Variants in GMCL1 observed in about 807,000 individuals in gnomAD.
The protein encoded by GMCL1 is germ cell-less protein-like 1.
A neutral mutation model predicts 75.5 loss-of-function variants in GMCL1; 54 were observed. The ratio of observed to expected loss-of-function variants is 0.71; its 90% CI spans 0.57 to 0.90. The LOEUF (loss-of-function observed/expected upper bound fraction) is 0.90. Ranked by LOEUF, GMCL1 falls within the 40% of genes least tolerant of loss-of-function variation. The probability of loss-of-function intolerance (pLI) is 0.00; values close to 1 mark genes in which losing one functional copy is unlikely to be tolerated. For synonymous variants in GMCL1, 210 were observed against 209.6 expected (o/e 1.00, Z -0.02); for missense variants, 537 against 622.7 (o/e 0.86, Z 1.47).
At chr2:69,847,457 A>G in intron 6 of GMCL1, 86 bp from the exon 7 acceptor site, 1 of 840,998 alleles carries the variant, frequency 1.2e-6, no homozygotes. Context: ...ATTTTTTTAC[A>G]AGAAAGACTT....
At chr2:69,855,421 T>C (rs1236652841) in intron 9 of GMCL1, among the ~76,000 whole-genome samples, 2 of 151,994 alleles carry the variant, frequency 1.3e-5, no homozygotes, top group African/African-American at 2.4e-5. Flanking sequence ...TAACTACTGA[T>C]TTACCTTTCT....
intron 9 of GMCL1, among the ~76,000 whole-genome samples, chr2:69,859,612 T>C (rs1427006118): frequency 6.6e-6 from 1 of 151,620 alleles, no homozygotes; most frequent in African/African-American, 2.4e-5. Flanking sequence ...GGCAGACACC[T>C]ATAGTCCCAG....
At position 69,847,770 on chromosome 2, in the gene GMCL1, C is replaced by G. The variant is rs553122097; in HGVS notation, c.843+143C>G. 64 of 475,370 alleles carry G rather than the reference C, an allele frequency of 1.3e-4. 1 individual carries two copies. In the East Asian group the frequency reaches 2.0e-3, roughly 15 times the overall value. The allele number at this position is 475,370 out of a possible 1,614,324, so 29.4% of individuals were successfully genotyped here. ...GAAATAGGCCGAAACCTTAAAAAGTCTTTATATTTAGGGATTTGGAATCAT... is the reference window on the plus strand; with the variant it reads ...GAAATAGGCCGAAACCTTAAAAAGTGTTTATATTTAGGGATTTGGAATCAT... On this transcript the variant is annotated intron_variant, in intron 7 of 13. Coordinates refer to ENST00000282570, the MANE Select transcript of GMCL1 (RefSeq NM_178439.5).
chr2:69,873,787 G>A (rs920794386), intron 13 of GMCL1: 1 of 168,312 alleles, frequency 5.9e-6, no homozygotes, highest in Non-Finnish European at 1.5e-5. Flanking sequence ...CCAAGTCAGT[G>A]GCCTGGGAGA....
intron 11 of GMCL1, among the ~76,000 whole-genome samples, chr2:69,865,673 A>G (rs1210232794): frequency 6.6e-6 from 1 of 152,146 alleles, no homozygotes; most frequent in Non-Finnish European, 1.5e-5. Flanking sequence ...TTTTTTCATT[A>G]CCACCCAATA....
At chr2:69,853,922 C>T (rs1675390848) in intron 8 of GMCL1, among the ~76,000 whole-genome samples, 1 of 151,870 alleles carries the variant, frequency 6.6e-6, no homozygotes, top group African/African-American at 2.4e-5. Flanking sequence ...CTGCCTCAGC[C>T]TCCCAGTTAG....
intron 6 of GMCL1, among the ~76,000 whole-genome samples, chr2:69,846,717 G>A (rs1046653070): frequency 1.3e-5 from 2 of 152,046 alleles, no homozygotes; most frequent in East Asian, 1.9e-4. Flanking sequence ...TAACTAGCAC[G>A]TTTCTTGATC....
chr2:69,829,890 C>A lies in GMCL1; in HGVS notation c.-3C>A. On this transcript the variant is annotated 5_prime_UTR_variant, in exon 1 of 14. Coordinates refer to ENST00000282570, the MANE Select transcript of GMCL1 (RefSeq NM_178439.5). ...TCCCTGAAGTCTCGGGGAGCCGTGA[C>A]CCATGGGATCGTTGAGCAGCCGGGT... is the stretch of plus-strand genomic sequence containing the variant. The A allele has an allele frequency of 1.3e-6, 2 of 1,594,082 alleles. No homozygotes were observed. Among genetic ancestry groups the A allele is most frequent in the Non-Finnish European group, 1.7e-6 (2 of 1,170,482 alleles).
intron 8 of GMCL1, among the ~76,000 whole-genome samples, chr2:69,850,863 A>G (rs538202529): frequency 6.6e-6 from 1 of 152,316 alleles, no homozygotes; most frequent in African/African-American, 2.4e-5. Flanking sequence ...GCCACTGTAT[A>G]ATATATCATT....
Position 69,875,746 on chromosome 2 carries a change from A to G in GMCL1, c.1453-3163A>G, listed in dbSNP as rs112053936. Reference sequence around the variant, plus strand: ...AGTCTTGTTCTGTCGCCAGGCTGGAATGCAGTGGCGTGATCTCAGCTCACT... The same window carrying G: ...AGTCTTGTTCTGTCGCCAGGCTGGAGTGCAGTGGCGTGATCTCAGCTCACT... On this transcript the variant is annotated intron_variant, in intron 13 of 13. Coordinates refer to ENST00000282570, the MANE Select transcript of GMCL1 (RefSeq NM_178439.5). Among the ~76,000 whole-genome samples, 1,006 of 151,692 alleles carry G rather than the reference A, an allele frequency of 6.6e-3. 12 individuals are homozygous for G. Among genetic ancestry groups the G allele is most frequent in the African/African-American group, 0.022 (900 of 41,312 alleles).
At position 69,878,932 on chromosome 2, in the gene GMCL1, C is replaced by T. The variant is rs376350403; in HGVS notation, c.1476C>T (p.Asp492=). 1.7e-5 allele frequency: 28 copies of T among 1,608,668 alleles called. No individual in the cohort carries two copies. The East Asian group carries it at 5.8e-4, about 33-fold the overall frequency. The change falls in exon 14 of 14, where the codon GAC becomes GAT. Residue 492 remains aspartate, a synonymous_variant. Coordinates refer to ENST00000282570, the MANE Select transcript of GMCL1 (RefSeq NM_178439.5). ...AGGAACAAGTGGTGATGAACTTGGA[C>T]AGCAGGCTTCTGATCTTCCCTTTAT... ...KDQEQVVMNL[D]SRLLIFPLYI... is the part of the protein sequence containing the mutation.
rs779911573 is a variant in GMCL1 at position 69,847,565 on chromosome 2, A to G, written c.781A>G (p.Ile261Val). The stretch of plus-strand genomic sequence containing the variant: ...CAGTATAAATGTCATGAAACAGCTC[A>G]TTGGTTCATCTAACTTATTTGTGAT... ...ELSINVMKQL[I>V]GSSNLFVMQV... The change falls in exon 7 of 14, where the codon ATT becomes GTT. Residue 261 changes from isoleucine to valine, a missense_variant. Physicochemically the swap from Ile to Val is conservative, Grantham distance 29. Coordinates refer to ENST00000282570, the MANE Select transcript of GMCL1 (RefSeq NM_178439.5). The G allele has an allele frequency of 6.2e-7, 1 of 1,607,006 alleles. No individual in the cohort carries two copies. Among genetic ancestry groups the G allele is most frequent in the Non-Finnish European group, 8.5e-7 (1 of 1,173,986 alleles).
Position 69,879,107 on chromosome 2 carries a change from C to CT in GMCL1, c.*104dup, listed in dbSNP as rs1173137697. The CT allele has an allele frequency of 1.5e-6, 1 of 683,734 alleles. No individual in the cohort carries two copies. Among genetic ancestry groups the CT allele is most frequent in the African/African-American group, 1.8e-5 (1 of 55,470 alleles). The allele number at this position is 683,734 out of a possible 1,614,324, so 42.4% of individuals were successfully genotyped here. On this transcript the variant is annotated 3_prime_UTR_variant, in exon 14 of 14. Coordinates refer to ENST00000282570, the MANE Select transcript of GMCL1 (RefSeq NM_178439.5). Reference sequence around the variant, plus strand: ...GGCCAGCTTTAATTTAATGGCCCTACTGATATTCACATCGAAGGTGACTAA... The same window carrying CT: ...GGCCAGCTTTAATTTAATGGCCCTACTTGATATTCACATCGAAGGTGACTAA...
intron 2 of GMCL1, among the ~76,000 whole-genome samples, chr2:69,838,361 A>AAAAAAAAAAAAAAAAC: frequency 6.6e-6 from 1 of 150,648 alleles, no homozygotes; most frequent in Non-Finnish European, 1.5e-5. Flanking sequence ...AAAAAAAAAA[A>AAAAAAAAAAAAAAAAC]AAATCGGAGC....
chr2:69,851,757 C>A (rs1275912387), intron 8 of GMCL1, among the ~76,000 whole-genome samples: 1 of 152,094 alleles, frequency 6.6e-6, no homozygotes, highest in African/African-American at 2.4e-5. Flanking sequence ...CAGAGTGAGA[C>A]CCTGTCTCAA....
chr2:69,864,940 A>G lies in GMCL1; in HGVS notation c.1183A>G (p.Met395Val). 1.2e-6 allele frequency: 2 copies of G among 1,613,660 alleles called. No homozygotes were observed. Among genetic ancestry groups the G allele is most frequent in the African/African-American group, 1.3e-5 (1 of 75,050 alleles). Residue 395 changes from methionine (M) to valine (V), a missense_variant, in exon 11 of 14, where the codon ATG becomes GTG. Physicochemically the swap from Met to Val is conservative, Grantham distance 21. This residue lies in a region of GMCL1 where 345 missense variants were observed against 410.5 expected (regional missense o/e 0.84). Transcript: ENST00000282570. ...TAAAGAAGAACTAGAGGGAAACAGC[A>G]TGAGGTGTGGTAGAAAGCTTGCCAA... The part of the protein sequence containing the change: ...INKEELEGNS[M>V]RCGRKLAKDG...
intron 1 of GMCL1, among the ~76,000 whole-genome samples, chr2:69,835,124 A>C (rs907087337): frequency 6.6e-6 from 1 of 152,122 alleles, no homozygotes; most frequent in Non-Finnish European, 1.5e-5. Flanking sequence ...TTGGAAATAG[A>C]TCTATTTACT....
In GMCL1 at chr2:69,879,334, C is replaced by A; in HGVS notation, c.*330C>A. The A allele has an allele frequency of 6.1e-6, 1 of 164,626 alleles. No individual in the cohort carries two copies. Among genetic ancestry groups the A allele is most frequent in the Non-Finnish European group, 1.3e-5 (1 of 76,262 alleles). 10.2% of individuals were successfully genotyped at this position (164,626 alleles called of 1,614,324 possible). A position where few individuals can be genotyped will look rare whatever the true frequency, so the allele number is the denominator to read the frequency against. On this transcript the variant is annotated 3_prime_UTR_variant, in exon 14 of 14. Coordinates refer to ENST00000282570, the MANE Select transcript of GMCL1 (RefSeq NM_178439.5). The stretch of plus-strand genomic sequence containing the variant: ...AGGTAAATCTCACATTTATCTGCAA[C>A]AAAATATAGATTTAATTTTTAGCTT...
At chr2:69,858,791 T>C (rs1675554361) in intron 9 of GMCL1, among the ~76,000 whole-genome samples, 1 of 152,240 alleles carries the variant, frequency 6.6e-6, no homozygotes, top group Non-Finnish European at 1.5e-5. Flanking sequence ...CTCATGTTTT[T>C]AACTTGTTCA....
Sources: allele counts gnomAD v4.1 joint callset (sites outside exome capture counted in the v4.1 genomes callset), GRCh38; gene constraint gnomAD v4.1.1; regional missense constraint gnomAD v4.1.1; transcripts MANE v1.5; gene names NCBI Gene and HGNC (gene_info 2026-07-23, HGNC 2026-07-21).